The following BCL9 variants were observed in gnomAD, a reference collection of about 807,000 sequenced individuals.
The protein encoded by BCL9 is BCL9 transcription coactivator.
BCL9 carries 25 observed loss-of-function variants against 88.5 expected under a neutral mutation model. That is an observed-to-expected ratio of 0.28 (90% CI 0.21 to 0.39). The LOEUF is 0.39. Among genes scored for constraint, BCL9 ranks in the 10% least tolerant of loss-of-function variants. BCL9 has a pLI of 1.00. For synonymous variants in BCL9, 711 were observed against 673.3 expected (o/e 1.06, Z -0.87); for missense variants, 1,817 against 1,877.8 (o/e 0.97, Z 0.60).
At chr1:147,610,151 C>T (rs1553202438) in intron 3 of BCL9, among the ~76,000 whole-genome samples, 2 of 140,640 alleles carry the variant, frequency 1.4e-5, no homozygotes, top group African/African-American at 2.7e-5. Flanking sequence ...AACTTGACAA[C>T]CAGAATCCAT....
At chr1:147,546,064 C>T (rs1456370284) in intron 1 of BCL9, among the ~76,000 whole-genome samples, 7 of 152,236 alleles carry the variant, frequency 4.6e-5, no homozygotes, top group Middle Eastern at 3.4e-3. Context: ...GGGCCAGGCA[C>T]GGTGGCTTAA....
rs587722710 is a variant in BCL9 at position 147,543,476 on chromosome 1, G to A, written c.-478+1802G>A. ...ACTTCTGAGTATGGGAAAAGCTGAAGGAAAGCCATTAGTTGGCCTGGATCT... is the reference window on the plus strand; with the variant it reads ...ACTTCTGAGTATGGGAAAAGCTGAAAGAAAGCCATTAGTTGGCCTGGATCT... On this transcript the variant is annotated intron_variant, in intron 1 of 9. Coordinates refer to ENST00000234739, the MANE Select transcript of BCL9 (RefSeq NM_004326.4). Among the ~76,000 whole-genome samples, 58 of 152,336 alleles carry A rather than the reference G, an allele frequency of 3.8e-4. 1 individual carries two copies. Among genetic ancestry groups the A allele is most frequent in the Non-Finnish European group, 1.5e-5 (1 of 68,038 alleles).
chr1:147,583,511 C>T (rs1656460423), intron 1 of BCL9, among the ~76,000 whole-genome samples: 1 of 151,860 alleles, frequency 6.6e-6, no homozygotes, highest in East Asian at 1.9e-4. Flanking sequence ...CTCCTGGCCT[C>T]AGGTGATCTG....
chr1:147,624,247 C>A lies in BCL9; in HGVS notation c.3569C>A (p.Ala1190Glu), dbSNP rs781896625. The A allele has an allele frequency of 1.2e-6, 2 of 1,614,190 alleles. No homozygotes were observed. Among genetic ancestry groups the A allele is most frequent in the Non-Finnish European group, 1.7e-6 (2 of 1,179,992 alleles). ...AACCTGCCCCAAAGTTCAGCAGATG[C>A]AGCACTTTGCAAGCCTGGAGGCCCC... ...PSNLPQSSAD[A>E]ALCKPGGPGG... Residue 1190 changes from alanine (A) to glutamate (E), a missense_variant, in exon 10 of 10, where the codon GCA (alanine) becomes GAA (glutamate). Ala to Glu is a moderately radical substitution (Grantham distance 107). Coordinates refer to ENST00000234739, the MANE Select transcript of BCL9 (RefSeq NM_004326.4). This position sits in a 1 kb window ranked among gnomAD's most constrained non-coding sequence, Gnocchi z 4.4.
In BCL9 at chr1:147,620,397, C is replaced by T. The variant is rs782569535; in HGVS notation, c.2242C>T (p.Leu748=). ...REAGAGPEEM[L]KLRPGGSDML... ...GGCTGGGGCGGGCCCTGAGGAGATG[C>T]TGAAATTACGCCCAGGTGGCTCAGA... Residue 748 remains leucine (L), a synonymous_variant, in exon 8 of 10, where the codon CTG becomes TTG. Coordinates refer to ENST00000234739, the MANE Select transcript of BCL9 (RefSeq NM_004326.4). The T allele has an allele frequency of 1.2e-6, 2 of 1,613,926 alleles. No individual in the cohort carries two copies. Among genetic ancestry groups the T allele is most frequent in the African/African-American group, 1.3e-5 (1 of 74,978 alleles).
At position 147,588,550 on chromosome 1, in the gene BCL9, G is replaced by C. The variant is rs935923654; in HGVS notation, c.-477-16227G>C. Among the ~76,000 whole-genome samples, 3 of 152,144 alleles carry C rather than the reference G, an allele frequency of 2.0e-5. 1 individual carries two copies. Among genetic ancestry groups the C allele is most frequent in the Admixed American group, 2.0e-4 (3 of 15,278 alleles). On this transcript the variant is annotated intron_variant, in intron 1 of 9. Transcript: ENST00000234739. The stretch of plus-strand genomic sequence containing the variant: ...CTATGGGAGAAAGAGAGGCTCGCTA[G>C]TTTCCTAGCCTGGGAGCACCCCCTC...
At position 147,619,240 on chromosome 1, in the gene BCL9, C is replaced by T. The variant is rs1658467160; in HGVS notation, c.1085C>T (p.Ser362Phe). ...SQEQLEHRERSLQTLRDIQRM... is the reference protein window; with the variant it reads ...SQEQLEHRERFLQTLRDIQRM... ...GAGCAGCTGGAGCACCGGGAGCGCT[C>T]CTTACAAACTCTCAGAGATATCCAG... is the stretch of plus-strand genomic sequence containing the variant. Residue 362 changes from serine to phenylalanine, a missense_variant, in exon 8 of 10, where the codon TCC becomes TTC. Physicochemically the swap from Ser to Phe is radical, Grantham distance 155. This residue lies in a region of BCL9 where 1,228 missense variants were observed against 1,191.6 expected (regional missense o/e 1.03). Coordinates refer to ENST00000234739, the MANE Select transcript of BCL9 (RefSeq NM_004326.4). The surrounding 1 kb of genome is among the most constrained non-coding windows in gnomAD (Gnocchi z 4.1). The T allele has an allele frequency of 6.2e-7, 1 of 1,614,024 alleles. No individual in the cohort carries two copies. The highest frequency in any genetic ancestry group is 8.5e-7 in the Non-Finnish European group (1 of 1,180,052).
At position 147,614,554 on chromosome 1, in the gene BCL9, C is replaced by T; in HGVS notation, c.498C>T (p.Pro166=). ...PSHGQTTATE[P]TPAQKTPAKV... ...ATGGCCAAACTACTGCCACAGAGCC[C>T]ACACCTGCTCAGAAGACTCCAGCCA... Residue 166 remains proline (P), a synonymous_variant, in exon 6 of 10, where the codon CCC becomes CCT. Coordinates refer to ENST00000234739, the MANE Select transcript of BCL9 (RefSeq NM_004326.4). The T allele has an allele frequency of 6.2e-7, 1 of 1,614,054 alleles. No homozygotes were observed. The highest frequency in any genetic ancestry group is 8.5e-7 in the Non-Finnish European group (1 of 1,179,994).
intron 1 of BCL9, among the ~76,000 whole-genome samples, chr1:147,558,243 G>A (rs1655206865): frequency 6.6e-6 from 1 of 152,100 alleles, no homozygotes. Context: ...GTTTGACCCA[G>A]ATTAATCTGT....
intron 1 of BCL9, among the ~76,000 whole-genome samples, chr1:147,599,494 G>C (rs1007525030): frequency 0.15 from 20,205 of 134,112 alleles, 4,175 homozygotes; most frequent in African/African-American, 0.48. Context: ...CTGGCCCCCC[G>C]CCCCCCTCGG....
At chr1:147,564,947 T>C (rs1469316081) in intron 1 of BCL9, among the ~76,000 whole-genome samples, 1 of 152,206 alleles carries the variant, frequency 6.6e-6, no homozygotes, top group Non-Finnish European at 1.5e-5. Context: ...AATTCAGCTC[T>C]TTAGTCACAC....
chr1:147,572,220 CA>C (rs200178061), intron 1 of BCL9, among the ~76,000 whole-genome samples: 2,366 of 152,256 alleles, frequency 0.016, 32 homozygotes, highest in East Asian at 0.055. Context: ...CCAGCCTGGG[CA>C]AGTAGAGCGA....
At chr1:147,584,077 C>T (rs1553198913) in intron 1 of BCL9, among the ~76,000 whole-genome samples, 3 of 137,238 alleles carry the variant, frequency 2.2e-5, no homozygotes, top group African/African-American at 8.2e-5. Flanking sequence ...GATGGAGTTT[C>T]ACTCTTGTTG....
chr1:147,570,177 G>A (rs1187919322), intron 1 of BCL9, among the ~76,000 whole-genome samples: 1 of 152,184 alleles, frequency 6.6e-6, no homozygotes, highest in African/African-American at 2.4e-5. Flanking sequence ...CTGTTTGTAA[G>A]CAGCAATTGA....
intron 1 of BCL9, among the ~76,000 whole-genome samples, chr1:147,600,596 T>G (rs926763479): frequency 3.3e-5 from 5 of 151,430 alleles, no homozygotes; most frequent in African/African-American, 1.2e-4. Context: ...TTTCAAAGGT[T>G]GTGTCCCAAG....
intron 1 of BCL9, among the ~76,000 whole-genome samples, chr1:147,600,936 A>T (rs1553201188): frequency 6.6e-6 from 1 of 152,154 alleles, no homozygotes; most frequent in African/African-American, 2.4e-5. Context: ...TGGCCTTTGA[A>T]AGTTGCAAAG....
intron 3 of BCL9, among the ~76,000 whole-genome samples, chr1:147,609,820 T>G (rs1295085419): frequency 6.6e-6 from 1 of 152,230 alleles, no homozygotes; most frequent in Admixed American, 6.5e-5. Flanking sequence ...TAGTACATCA[T>G]GCTGAGTATT....
At chr1:147,600,379 CGG>C (rs1361419872) in intron 1 of BCL9, 2 of 143,704 alleles carry the variant, frequency 1.4e-5, no homozygotes, top group East Asian at 4.4e-4. Flanking sequence ...GGACCGGAGC[CGG>C]GGGTAGTGGG....
chr1:147,612,769 G>GGT (rs1658077137), intron 4 of BCL9, 114 bp from the exon 5 acceptor site: 5 of 998,870 alleles, frequency 5.0e-6, no homozygotes, highest in Non-Finnish European at 7.4e-6. Context: ...ATCATGGGGT[G>GGT]GTTATTTTAG....
Sources: gnomAD v4.1 joint callset for allele counts (sites outside exome capture counted in the v4.1 genomes callset) on GRCh38, gnomAD v4.1.1 for gene constraint, gnomAD v4.1.1 regional missense constraint, Gnocchi (gnomAD v3.1) non-coding constraint, MANE v1.5 for transcripts, NCBI Gene and HGNC (gene_info 2026-07-23, HGNC 2026-07-21) for gene names.